Variants in GNAT3 observed in about 807,000 individuals in gnomAD.
GNAT3 encodes the protein G protein subunit alpha transducin 3.
In GNAT3, 31 loss-of-function variants were observed where a neutral mutation model predicts 37.7. The observed-to-expected ratio is 0.82, with a 90% CI of 0.62 to 1.11. GNAT3 has a LOEUF of 1.11. GNAT3 is among the 50% of genes most tolerant of loss of function. The pLI is 0.00. For missense variants in GNAT3, 437 were observed against 412.5 expected (o/e 1.06, Z -0.51); for synonymous variants, 138 against 139.8 (o/e 0.99, Z 0.09).
chr7:80,474,836 A>G (rs1358478702), intron 4 of GNAT3, among the ~76,000 whole-genome samples: 1 of 152,144 alleles, frequency 6.6e-6, no homozygotes, highest in African/African-American at 2.4e-5. Context: ...TAGTGGCTAG[A>G]TTATCCTCGA....
At chr7:80,495,787 A>G (rs919909510) in intron 1 of GNAT3, among the ~76,000 whole-genome samples, 1 of 151,936 alleles carries the variant, frequency 6.6e-6, no homozygotes, top group Admixed American at 6.6e-5. Flanking sequence ...TTTAATTTAC[A>G]TTTCTCTGAC....
intron 3 of GNAT3, among the ~76,000 whole-genome samples, chr7:80,483,095 C>T (rs1249579140): frequency 6.6e-6 from 1 of 152,000 alleles, no homozygotes; most frequent in Non-Finnish European, 1.5e-5. Flanking sequence ...ATATGGTGTA[C>T]CCTTAAAAGT....
intron 1 of GNAT3, among the ~76,000 whole-genome samples, chr7:80,497,987 A>G (rs1420189256): frequency 2.0e-5 from 3 of 152,182 alleles, no homozygotes; most frequent in Non-Finnish European, 4.4e-5. Context: ...GAATTGTATC[A>G]GCATATGTAT....
At chr7:80,467,090 A>G (rs994971723) in intron 5 of GNAT3, among the ~76,000 whole-genome samples, 2 of 152,142 alleles carry the variant, frequency 1.3e-5, no homozygotes, top group African/African-American at 4.8e-5. Context: ...TCCTAAACTC[A>G]CAATTAGTAA....
chr7:80,476,046 T>C (rs541462472), intron 4 of GNAT3, among the ~76,000 whole-genome samples: 1 of 152,098 alleles, frequency 6.6e-6, no homozygotes, highest in South Asian at 2.1e-4. Flanking sequence ...GTGTGGTAGG[T>C]GTGTTGTTGG....
chr7:80,465,901 A>G (rs993579127), intron 5 of GNAT3, among the ~76,000 whole-genome samples: 1 of 152,118 alleles, frequency 6.6e-6, no homozygotes, highest in African/African-American at 2.4e-5. Flanking sequence ...AAGAATTGTG[A>G]TGCTGTGATT....
chr7:80,510,200 T>G (rs1791040975), intron 1 of GNAT3, among the ~76,000 whole-genome samples: 1 of 152,124 alleles, frequency 6.6e-6, no homozygotes, highest in African/African-American at 2.4e-5. Flanking sequence ...CAACTGAATC[T>G]CTAGTTGACT....
At chr7:80,471,383 T>G (rs1790216205) in intron 5 of GNAT3, among the ~76,000 whole-genome samples, 1 of 151,810 alleles carries the variant, frequency 6.6e-6, no homozygotes, top group South Asian at 2.1e-4. Flanking sequence ...ACACTCAGTA[T>G]TAACCACCAC....
chr7:80,469,768 A>G (rs139748035), intron 5 of GNAT3, among the ~76,000 whole-genome samples: 13 of 152,156 alleles, frequency 8.5e-5, no homozygotes, highest in Non-Finnish European at 1.6e-4. Flanking sequence ...TGGAAGGTAC[A>G]TTATTTTTAT....
chr7:80,494,748 G>C (rs1193312724), intron 1 of GNAT3, 101 bp from the exon 2 acceptor site: 1 of 694,146 alleles, frequency 1.4e-6, no homozygotes, highest in East Asian at 2.8e-5. Context: ...TTTTTTAATA[G>C]GTTTAGGGGG....
chr7:80,487,934 A>G (rs1165928633), intron 3 of GNAT3, among the ~76,000 whole-genome samples: 2 of 152,194 alleles, frequency 1.3e-5, no homozygotes, highest in Admixed American at 6.5e-5. Flanking sequence ...ATATAATTTA[A>G]TGTAAAATAA....
intron 1 of GNAT3, among the ~76,000 whole-genome samples, chr7:80,503,165 T>C (rs1004637435): frequency 2.6e-5 from 4 of 152,214 alleles, no homozygotes; most frequent in Non-Finnish European, 5.9e-5. Context: ...AACATATAAA[T>C]GACTTTCTTC....
chr7:80,506,396 A>G (rs1194954891), intron 1 of GNAT3, among the ~76,000 whole-genome samples: 1 of 152,198 alleles, frequency 6.6e-6, no homozygotes, highest in African/African-American at 2.4e-5. Context: ...AGATAAATGC[A>G]TCTAAAACAA....
intron 2 of GNAT3, 40 bp downstream of exon 2, chr7:80,494,565 G>A (rs1790678349): frequency 1.9e-6 from 2 of 1,060,044 alleles, no homozygotes; most frequent in Non-Finnish European, 2.8e-6. Context: ...TACATGGACA[G>A]ACATCAAATA....
In GNAT3 at chr7:80,496,476, A is replaced by G. The variant is rs992197428; in HGVS notation, c.119-1829T>C. Among the ~76,000 whole-genome samples the G allele has an allele frequency of 5.3e-5, 8 of 152,234 alleles. No homozygotes were observed. The East Asian group carries it at 1.5e-3, about 29-fold the overall frequency. Reference sequence around the variant, plus strand: ...TTCGACTCTCACCCACTCAGTCTTCATTTCCCTATTCTACCTTCACTTCTT... The same window carrying G: ...TTCGACTCTCACCCACTCAGTCTTCGTTTCCCTATTCTACCTTCACTTCTT... On this transcript the variant is annotated intron_variant, in intron 1 of 7. Transcript: ENST00000398291.
chr7:80,459,488 T>C (rs1413118438), intron 7 of GNAT3, among the ~76,000 whole-genome samples: 1 of 152,176 alleles, frequency 6.6e-6, no homozygotes, highest in Non-Finnish European at 1.5e-5. Context: ...TAGGATGCGA[T>C]ATAAAAGGCT....
chr7:80,500,904 T>C (rs2116221691), intron 1 of GNAT3, among the ~76,000 whole-genome samples: 1 of 152,178 alleles, frequency 6.6e-6, no homozygotes, highest in East Asian at 1.9e-4. Flanking sequence ...CCCAACCTTT[T>C]CTCTTTTTGC....
intron 5 of GNAT3, among the ~76,000 whole-genome samples, chr7:80,470,745 G>C (rs1242043967): frequency 1.3e-5 from 2 of 152,102 alleles, no homozygotes; most frequent in Non-Finnish European, 2.9e-5. Flanking sequence ...AAATGACTAT[G>C]TACCAAAGGG....
intron 4 of GNAT3, among the ~76,000 whole-genome samples, chr7:80,475,307 A>T (rs1790284849): frequency 1.3e-5 from 2 of 151,984 alleles, no homozygotes. Context: ...AATTAGAGGA[A>T]AAAAAACCTG....
Sources: allele counts gnomAD v4.1 joint callset (sites outside exome capture counted in the v4.1 genomes callset), GRCh38; gene constraint gnomAD v4.1.1; transcripts MANE v1.5; gene names NCBI Gene and HGNC (gene_info 2026-07-23, HGNC 2026-07-21).